CSMD1: variants seen among roughly 807,000 people sequenced by gnomAD.
CSMD1 encodes the protein CUB and Sushi multiple domains 1, also known as CUB and sushi domain-containing protein 1.
In CSMD1, 213 loss-of-function variants were observed where a neutral mutation model predicts 417.5. The ratio of observed to expected loss-of-function variants is 0.51; its 90% CI spans 0.46 to 0.57. CSMD1 has a LOEUF of 0.57. CSMD1 is among the 20% of genes least tolerant of loss of function. CSMD1 has a pLI of 0.00. For missense variants in CSMD1, 6,923 were observed against 4,529.7 expected (o/e 1.53, Z -15.17); for synonymous variants, 2,862 against 1,736.8 (o/e 1.65, Z -16.11).
chr8:3,517,597 C>A (rs1440362165), intron 10 of CSMD1, among the ~76,000 whole-genome samples: 2 of 152,140 alleles, frequency 1.3e-5, no homozygotes, highest in African/African-American at 4.8e-5. Context: ...CAAATACAGG[C>A]TGAGGGAATA....
intron 36 of CSMD1, among the ~76,000 whole-genome samples, chr8:3,182,588 G>C (rs1437438237): frequency 4.0e-5 from 1 of 25,032 alleles, no homozygotes; most frequent in Non-Finnish European, 9.3e-5. Context: ...CTGTGTGTGT[G>C]TGTGTGTGTG....
Position 3,866,642 on chromosome 8 carries a change from T to G in CSMD1, c.819-112600A>C, listed in dbSNP as rs565750604. 2.0e-5 allele frequency among the ~76,000 whole-genome samples: 3 copies of G among 151,796 alleles called. No individual in the cohort carries two copies. In the South Asian group the frequency reaches 6.3e-4, roughly 32 times the overall value. On this transcript the variant is annotated intron_variant, in intron 5 of 69. Transcript: ENST00000635120. The stretch of plus-strand genomic sequence containing the variant: ...AAACCCAAAGTCACTATTTGGAATG[T>G]GATTCAGGAAATAATAAGCTTATAA...
At chr8:3,275,710 G>C (rs916360075) in intron 26 of CSMD1, among the ~76,000 whole-genome samples, 1 of 152,084 alleles carries the variant, frequency 6.6e-6, no homozygotes. Flanking sequence ...ATTTCTTCCA[G>C]TTGATCGCAT....
At chr8:4,291,089 G>A (rs1465083206) in intron 3 of CSMD1, among the ~76,000 whole-genome samples, 10 of 152,064 alleles carry the variant, frequency 6.6e-5, no homozygotes, top group Admixed American at 2.6e-4. Flanking sequence ...TTTATTTTGT[G>A]TAATACAAAC....
chr8:4,916,039 A>C (rs1806046915), intron 1 of CSMD1, among the ~76,000 whole-genome samples: 1 of 152,184 alleles, frequency 6.6e-6, no homozygotes, highest in Admixed American at 6.5e-5. Context: ...AGAATACACT[A>C]GATTTGCCCT....
intron 10 of CSMD1, among the ~76,000 whole-genome samples, chr8:3,560,172 G>A (rs1799409044): frequency 1.3e-5 from 2 of 152,110 alleles, no homozygotes; most frequent in Admixed American, 6.6e-5. Flanking sequence ...TAAGGCACAG[G>A]AAGAGCCCTT....
chr8:4,238,096 G>C (rs1282073618), intron 3 of CSMD1, among the ~76,000 whole-genome samples: 3 of 152,110 alleles, frequency 2.0e-5, no homozygotes, highest in African/African-American at 4.8e-5. Context: ...TTAAGATTGA[G>C]ACACAATTTT....
At chr8:3,089,221 G>C (rs901789447) in intron 48 of CSMD1, among the ~76,000 whole-genome samples, 3 of 152,218 alleles carry the variant, frequency 2.0e-5, no homozygotes, top group African/African-American at 4.8e-5. Context: ...CTGGGATATA[G>C]AATGAAAAGT....
intron 3 of CSMD1, among the ~76,000 whole-genome samples, chr8:4,130,556 A>G (rs1803036805): frequency 6.6e-6 from 1 of 152,104 alleles, no homozygotes; most frequent in Non-Finnish European, 1.5e-5. Flanking sequence ...GTTCTTTTAA[A>G]TCAATTACCA....
intron 3 of CSMD1, among the ~76,000 whole-genome samples, chr8:4,179,116 C>G (rs927735031): frequency 6.6e-6 from 1 of 152,142 alleles, no homozygotes; most frequent in African/African-American, 2.4e-5. Flanking sequence ...GCCCGCATCG[C>G]CAAGTCAATC....
At chr8:3,623,700 G>C (rs773103912) in intron 7 of CSMD1, among the ~76,000 whole-genome samples, 1 of 152,168 alleles carries the variant, frequency 6.6e-6, no homozygotes, top group Non-Finnish European at 1.5e-5. Context: ...CCAGGGCCGG[G>C]CGTGGGGGCT....
intron 5 of CSMD1, among the ~76,000 whole-genome samples, chr8:3,804,332 A>G (rs1363532489): frequency 1.3e-5 from 2 of 152,190 alleles, no homozygotes; most frequent in East Asian, 3.8e-4. Flanking sequence ...TGAAACTCTA[A>G]TGCGTCTTAA....
At chr8:4,961,918 A>G (rs1809517451) in intron 1 of CSMD1, among the ~76,000 whole-genome samples, 1 of 151,530 alleles carries the variant, frequency 6.6e-6, no homozygotes, top group African/African-American at 2.4e-5. Flanking sequence ...CCAATCTATT[A>G]TTTTATTCAG....
chr8:4,330,068 A>G (rs1253875940), intron 3 of CSMD1, among the ~76,000 whole-genome samples: 1 of 152,124 alleles, frequency 6.6e-6, no homozygotes, highest in Non-Finnish European at 1.5e-5. Flanking sequence ...ATGCAGTCTC[A>G]TATATTTCTT....
chr8:4,011,252 C>G (rs1816512874), intron 4 of CSMD1, among the ~76,000 whole-genome samples: 1 of 152,154 alleles, frequency 6.6e-6, no homozygotes, highest in Non-Finnish European at 1.5e-5. Flanking sequence ...CACGACTTTA[C>G]CAGTTTTCTT....
At chr8:3,765,130 T>C (rs1798200490) in intron 5 of CSMD1, among the ~76,000 whole-genome samples, 1 of 152,198 alleles carries the variant, frequency 6.6e-6, no homozygotes, top group Non-Finnish European at 1.5e-5. Context: ...GAAGACCCTT[T>C]ATAATATGAA....
chr8:4,408,023 TACTC>T (rs1003085119), intron 3 of CSMD1, among the ~76,000 whole-genome samples: 4 of 152,150 alleles, frequency 2.6e-5, no homozygotes, highest in African/African-American at 9.7e-5. Context: ...GCTGTCCACT[TACTC>T]ACCCTCCTCC....
At position 3,395,005 on chromosome 8, in the gene CSMD1, G is replaced by A. The variant is rs180851489; in HGVS notation, c.2593+1189C>T. ...TATACTTATATGAGTATGTAAAACC[G>A]AGGAATGCACATAACAGGTTGTTAA... On this transcript the variant is annotated intron_variant, in intron 17 of 69. Coordinates refer to ENST00000635120, the MANE Select transcript of CSMD1 (RefSeq NM_033225.6). Among the ~76,000 whole-genome samples, 91 of 152,206 alleles carry A rather than the reference G, an allele frequency of 6.0e-4. No homozygotes were observed. The Middle Eastern group carries it at 0.034, about 57-fold the overall frequency.
chr8:3,449,796 G>C (rs1815571124), intron 12 of CSMD1, among the ~76,000 whole-genome samples: 1 of 152,094 alleles, frequency 6.6e-6, no homozygotes, highest in African/African-American at 2.4e-5. Context: ...AGCATTACAG[G>C]CATGAGCCAC....
Sources: allele counts gnomAD v4.1 joint callset (sites outside exome capture counted in the v4.1 genomes callset), GRCh38; gene constraint gnomAD v4.1.1; transcripts MANE v1.5; gene names NCBI Gene and HGNC (gene_info 2026-07-23, HGNC 2026-07-21).